KCNH1: variants seen among roughly 807,000 people sequenced by gnomAD.
KCNH1 encodes the protein potassium voltage-gated channel subfamily H member 1.
A neutral mutation model predicts 69.2 loss-of-function variants in KCNH1; 27 were observed. The observed-to-expected ratio is 0.39, with a 90% confidence interval of 0.29 to 0.54. The LOEUF (loss-of-function observed/expected upper bound fraction) is 0.54, where lower values mean the gene tolerates loss of function less well. Ranked by LOEUF, KCNH1 falls within the 20% of genes least tolerant of loss-of-function variation. KCNH1 has a pLI of 0.68. For synonymous variants in KCNH1, 456 were observed against 487.7 expected, an observed-to-expected ratio of 0.93 and a Z score of 0.86; for missense variants, 798 against 1,261.6, an observed-to-expected ratio of 0.63 and a Z score of 5.57.
At chr1:210,890,964 T>C (rs1462304020) in intron 7 of KCNH1, among the ~76,000 whole-genome samples, 1 of 152,152 alleles carries the variant, frequency 6.6e-6, no homozygotes, top group Non-Finnish European at 1.5e-5. Flanking sequence ...AGTTCAACCA[T>C]TGTGGAAGAC....
At chr1:210,950,474 T>C (rs1287398835) in intron 6 of KCNH1, among the ~76,000 whole-genome samples, 4 of 148,496 alleles carry the variant, frequency 2.7e-5, no homozygotes. Context: ...CAGTGTTTGG[T>C]TTTTTGTTCT....
intron 5 of KCNH1, among the ~76,000 whole-genome samples, chr1:211,024,920 A>G (rs1483554387): frequency 6.6e-6 from 1 of 152,168 alleles, no homozygotes; most frequent in Non-Finnish European, 1.5e-5. Context: ...AGTCAACTCT[A>G]AGGTCCTACC....
At chr1:211,006,663 C>A (rs1689292449) in intron 6 of KCNH1, among the ~76,000 whole-genome samples, 2 of 152,028 alleles carry the variant, frequency 1.3e-5, no homozygotes, top group Non-Finnish European at 2.9e-5. Context: ...AAGCATATTT[C>A]TGTTTTAAAC....
intron 10 of KCNH1, among the ~76,000 whole-genome samples, chr1:210,753,384 G>A (rs1208242092): frequency 1.3e-5 from 2 of 152,178 alleles, no homozygotes; most frequent in Admixed American, 1.3e-4. Flanking sequence ...CAAATAAGGT[G>A]GAAACTAAGT....
chr1:210,920,881 T>G (rs542859014), intron 6 of KCNH1, among the ~76,000 whole-genome samples: 1 of 152,276 alleles, frequency 6.6e-6, no homozygotes. Context: ...GAGGGAAGCT[T>G]CTGATTTCAC....
intron 9 of KCNH1, among the ~76,000 whole-genome samples, chr1:210,785,869 C>T (rs1004177101): frequency 6.6e-6 from 1 of 152,032 alleles, no homozygotes; most frequent in African/African-American, 2.4e-5. Context: ...GGAGCAGACC[C>T]GCATAGGAAG....
intron 3 of KCNH1, among the ~76,000 whole-genome samples, chr1:211,099,278 A>G (rs1691214678): frequency 6.6e-6 from 1 of 152,202 alleles, no homozygotes; most frequent in African/African-American, 2.4e-5. Flanking sequence ...TTAATAGTAT[A>G]ATAGTACTTC....
chr1:210,963,065 T>C (rs1688328070), intron 6 of KCNH1, among the ~76,000 whole-genome samples: 1 of 151,936 alleles, frequency 6.6e-6, no homozygotes, highest in African/African-American at 2.4e-5. Context: ...TCCCAAATCG[T>C]AACTTATCTT....
intron 7 of KCNH1, among the ~76,000 whole-genome samples, chr1:210,910,297 C>A (rs1807828): frequency 0.081 from 7,874 of 97,636 alleles, 324 homozygotes; most frequent in East Asian, 0.34. Context: ...AAAAAAAAAT[C>A]ATCAAATTGG....
chr1:211,059,665 C>A (rs1690392089), intron 5 of KCNH1, among the ~76,000 whole-genome samples: 1 of 151,952 alleles, frequency 6.6e-6, no homozygotes, highest in Non-Finnish European at 1.5e-5. Context: ...ATGGCGTGAA[C>A]CCGGGAGGTG....
Position 211,014,644 on chromosome 1 carries a change from T to TGGCAAAGCTA in KCNH1, c.1032+4138_1032+4139insTAGCTTTGCC, listed in dbSNP as rs1689459145. Among the ~76,000 whole-genome samples, 5 of 152,224 alleles carry TGGCAAAGCTA rather than the reference T, an allele frequency of 3.3e-5. No individual in the cohort carries two copies. The South Asian group carries it at 1.0e-3, about 32-fold the overall frequency. On this transcript the variant is annotated intron_variant, in intron 6 of 10. Transcript: ENST00000271751. ...GAACTCCCCACCCCCACTGCACACA[T>TGGCAAAGCTA]ACACACAGATGGCAAAGCCAACACA...
chr1:210,797,857 C>G (rs1684349969), intron 8 of KCNH1, 97 bp from the exon 9 acceptor site: 6 of 1,364,952 alleles, frequency 4.4e-6, no homozygotes, highest in Non-Finnish European at 6.0e-6. Flanking sequence ...ATCCACTACG[C>G]CAGACTGCAC....
intron 6 of KCNH1, among the ~76,000 whole-genome samples, chr1:210,929,656 A>G (rs1687643978): frequency 6.6e-6 from 1 of 152,172 alleles, no homozygotes; most frequent in African/African-American, 2.4e-5. Flanking sequence ...TCTATTCAAC[A>G]CAGTACTGGA....
At chr1:210,801,142 G>T (rs1684418303) in intron 8 of KCNH1, among the ~76,000 whole-genome samples, 1 of 152,140 alleles carries the variant, frequency 6.6e-6, no homozygotes. Context: ...TAGCCAAAAG[G>T]GCTTTAGAGG....
At chr1:210,866,542 G>A (rs1345204724) in intron 7 of KCNH1, among the ~76,000 whole-genome samples, 1 of 152,140 alleles carries the variant, frequency 6.6e-6, no homozygotes, top group Non-Finnish European at 1.5e-5. Context: ...TACGGGAAAT[G>A]CAAATCAAAA....
chr1:210,738,552 CTTTTTTTTTTTTTTTTT>C lies in KCNH1; in HGVS notation c.2112+36779_2112+36795del, dbSNP rs57669878. Among the ~76,000 whole-genome samples, 68 of 49,152 alleles carry C rather than the reference CTTTTTTTTTTTTTTTTT, an allele frequency of 1.4e-3. 4 individuals carry two copies. Among genetic ancestry groups the C allele is most frequent in the Non-Finnish European group, 4.1e-4 (10 of 24,364 alleles). The allele number at this position is 49,152 out of a possible 152,430, so 32.2% of individuals were successfully genotyped here. ...CTGTATTCCTGGCTTGGCTTTTTTG[CTTTTTTTTTTTTTTTTT>C]TTTTTTTTTTTTCTGAGACAGGGTC... On this transcript the variant is annotated intron_variant, in intron 10 of 10. Transcript: ENST00000271751.
intron 9 of KCNH1, among the ~76,000 whole-genome samples, chr1:210,783,204 T>A (rs1684025566): frequency 1.3e-5 from 2 of 152,092 alleles, no homozygotes; most frequent in South Asian, 4.1e-4. Context: ...TGCCTCGTGG[T>A]CTCCATGCTG....
chr1:211,125,131 T>G (rs1023345881), intron 1 of KCNH1, among the ~76,000 whole-genome samples: 2 of 152,178 alleles, frequency 1.3e-5, no homozygotes. Context: ...TAAGATGACC[T>G]CGCAGGAAAG....
chr1:210,873,514 A>T (rs1258541415), intron 7 of KCNH1, among the ~76,000 whole-genome samples: 3 of 150,632 alleles, frequency 2.0e-5, no homozygotes, highest in African/African-American at 2.4e-5. Context: ...TGCCCAGCTT[A>T]TTTTTTTTTA....
Sources: allele counts gnomAD v4.1 joint callset (sites outside exome capture counted in the v4.1 genomes callset), GRCh38; gene constraint gnomAD v4.1.1; transcripts MANE v1.5; gene names NCBI Gene and HGNC (gene_info 2026-07-23, HGNC 2026-07-21).